P4HA3: variants seen among roughly 807,000 people sequenced by gnomAD.
P4HA3 encodes the protein prolyl 4-hydroxylase subunit alpha 3.
P4HA3 carries 60 observed loss-of-function variants against 66.7 expected under a neutral mutation model. The ratio of observed to expected loss-of-function variants is 0.90; its 90% CI spans 0.73 to 1.12. The LOEUF (loss-of-function observed/expected upper bound fraction) is 1.12. Ranked by LOEUF, P4HA3 falls within the 50% of genes most tolerant of loss-of-function variation. The probability of loss-of-function intolerance (pLI) is 0.00; values close to 1 mark genes in which losing one functional copy is unlikely to be tolerated. For synonymous variants in P4HA3, 263 were observed against 274.6 expected (o/e 0.96, Z 0.42); for missense variants, 683 against 685.8 (o/e 1.00, Z 0.05).
At chr11:74,302,014 T>C (rs1591134565) in intron 3 of P4HA3, among the ~76,000 whole-genome samples, 1 of 152,148 alleles carries the variant, frequency 6.6e-6, no homozygotes, top group South Asian at 2.1e-4. Context: ...ATAGTTAGGG[T>C]GAACAAAGGA....
At position 74,311,465 on chromosome 11, in the gene P4HA3, C is replaced by T. The variant is rs1434258116; in HGVS notation, c.147G>A (p.Gly49=). The part of the protein sequence containing the change: ...RALAPERRLL[G]LLRRYLRGEE... ...CCCCGCGCAGGTACCGCCTCAGCAGCCCCAGCAGCCGGCGCTCGGGCGCCA... is the reference window on the plus strand; with the variant it reads ...CCCCGCGCAGGTACCGCCTCAGCAGTCCCAGCAGCCGGCGCTCGGGCGCCA... Residue 49 remains glycine (G), a synonymous_variant, in exon 1 of 13, where the codon GGG becomes GGA. Transcript: ENST00000331597. 6.5e-7 allele frequency: 1 copy of T among 1,538,114 alleles called. No individual in the cohort carries two copies. The highest frequency in any genetic ancestry group is 1.4e-5 in the African/African-American group (1 of 72,052).
In P4HA3 at chr11:74,302,238, G is replaced by A. The variant is rs1311565644; in HGVS notation, c.567+131C>T. The A allele has an allele frequency of 3.3e-6, 3 of 902,866 alleles. No individual in the cohort carries two copies. In the East Asian group the frequency reaches 7.5e-5, roughly 23 times the overall value. 55.9% of individuals were successfully genotyped at this position (902,866 alleles called of 1,614,324 possible). On this transcript the variant is annotated intron_variant, in intron 3 of 12. Coordinates refer to ENST00000331597, the MANE Select transcript of P4HA3 (RefSeq NM_182904.5). Reference sequence around the variant, plus strand: ...TCTCTGAATCTTGTTTTCTTTCTCTGAAAATGGAAATGATATCAAATTTCC... The same window carrying A: ...TCTCTGAATCTTGTTTTCTTTCTCTAAAAATGGAAATGATATCAAATTTCC...
At chr11:74,265,991 G>T (rs191477684), downstream of P4HA3, among the ~76,000 whole-genome samples, 94 of 152,294 alleles carry the variant, frequency 6.2e-4, 2 homozygotes, top group Non-Finnish European at 3.2e-4. Context: ...AAGTGGCTGG[G>T]TGGTGGCATG....
At chr11:74,258,970 G>A (rs560647779) in intron 15 of P4HA3, among the ~76,000 whole-genome samples, 37 of 152,276 alleles carry the variant, frequency 2.4e-4, no homozygotes, top group Middle Eastern at 3.4e-3. Flanking sequence ...CCCACAGGGC[G>A]GGGAGACCAA....
At chr11:74,273,740 C>CTGGA (rs1860289107) in intron 9 of P4HA3, 133 bp from the exon 10 acceptor site, 1 of 593,794 alleles carries the variant, frequency 1.7e-6, no homozygotes, top group Non-Finnish European at 2.5e-6. Context: ...TATACACCTA[C>CTGGA]TGGAGTATGT....
chr11:74,289,096 C>A lies in P4HA3; in HGVS notation c.752G>T (p.Arg251Leu). Reference sequence around the variant, plus strand: ...TTACGTACTGTAGAGAAGAAACTCCCGAGAGAGGCTGAGGGCACACGAAAC... The same window carrying A: ...TTACGTACTGTAGAGAAGAAACTCCAGAGAGAGGCTGAGGGCACACGAAAC... ...GNVSCALSLS[R>L]EFLLYSPDNK... is the part of the protein sequence containing the mutation. The change falls in exon 5 of 13, where the codon CGG (arginine) becomes CTG (leucine). Residue 251 changes from arginine (R) to leucine (L), a missense_variant. Transcript: ENST00000331597. The A allele has an allele frequency of 6.3e-7, 1 of 1,580,228 alleles. No homozygotes were observed. The highest frequency in any genetic ancestry group is 1.2e-5 in the South Asian group (1 of 84,760).
At chr11:74,252,187 T>C (rs4522190) in intron 15 of P4HA3, among the ~76,000 whole-genome samples, 111,410 of 143,854 alleles carry the variant, frequency 0.77, 43,536 homozygotes, top group African/African-American at 0.87. Context: ...AGTGCCTCAG[T>C]CTCCCGAGTA....
chr11:74,252,078 A>C (rs1456238437), intron 15 of P4HA3, among the ~76,000 whole-genome samples: 3 of 150,282 alleles, frequency 2.0e-5, no homozygotes, highest in Non-Finnish European at 4.4e-5. Context: ...CTGCCAAGGA[A>C]AGCTGGGCAG....
At position 74,311,543 on chromosome 11, in the gene P4HA3, C is replaced by A. The variant is rs1193886442; in HGVS notation, c.69G>T (p.Arg23Ser). The A allele has an allele frequency of 1.3e-6, 2 of 1,549,630 alleles. No individual in the cohort carries two copies. Among genetic ancestry groups the A allele is most frequent in the Non-Finnish European group, 1.7e-6 (2 of 1,157,662 alleles). The stretch of plus-strand genomic sequence containing the variant: ...AGAACGTGTCGCCCCGAGCCGCAGC[C>A]CTTTCTGGGTCTCCTGTCCCGAGCG... ...VLALGTGDPERAAARGDTFSA... is the reference protein window; with the variant it reads ...VLALGTGDPESAAARGDTFSA... The change falls in exon 1 of 13, where the codon AGG (arginine) becomes AGT (serine). Residue 23 changes from arginine to serine, a missense_variant. By Grantham distance (110) the Arg-to-Ser change is moderately radical (BLOSUM62 -1). Coordinates refer to ENST00000331597, the MANE Select transcript of P4HA3 (RefSeq NM_182904.5).
At chr11:74,309,319 T>G (rs1861658243) in intron 1 of P4HA3, among the ~76,000 whole-genome samples, 1 of 152,140 alleles carries the variant, frequency 6.6e-6, no homozygotes. Context: ...ATGGTTTGTA[T>G]GAGACCTCCT....
intron 9 of P4HA3, among the ~76,000 whole-genome samples, chr11:74,275,545 C>T (rs1860365209): frequency 6.6e-6 from 1 of 152,194 alleles, no homozygotes; most frequent in African/African-American, 2.4e-5. Context: ...TCTCTCCTTA[C>T]ACTGGTACCA....
At chr11:74,252,170 G>A (rs1001210962) in intron 15 of P4HA3, among the ~76,000 whole-genome samples, 1 of 143,368 alleles carries the variant, frequency 7.0e-6, no homozygotes, top group Admixed American at 7.1e-5. Flanking sequence ...CTGGGCTCAA[G>A]TGATCCAGTG....
chr11:74,268,039 A>C, intron 12 of P4HA3, 106 bp downstream of exon 12: 1 of 957,104 alleles, frequency 1.0e-6, no homozygotes, highest in African/African-American at 1.6e-5. Context: ...TGGCACTGTA[A>C]TGAAGCGTTT....
intron 2 of P4HA3, among the ~76,000 whole-genome samples, chr11:74,303,554 T>C (rs995679220): frequency 7.9e-5 from 12 of 151,038 alleles, no homozygotes; most frequent in African/African-American, 2.9e-4. Flanking sequence ...ATTACAGGCA[T>C]GAACCACTGT....
chr11:74,293,887 CTTCAT>C (rs1054617005), intron 4 of P4HA3, among the ~76,000 whole-genome samples: 1 of 152,138 alleles, frequency 6.6e-6, no homozygotes, highest in African/African-American at 2.4e-5. Flanking sequence ...ACATTTTTTC[CTTCAT>C]TTCAACTTTG....
At chr11:74,292,062 A>T (rs942197530) in intron 4 of P4HA3, among the ~76,000 whole-genome samples, 6 of 152,124 alleles carry the variant, frequency 3.9e-5, no homozygotes, top group Non-Finnish European at 5.9e-5. Flanking sequence ...TCGGCTGTGA[A>T]TCCATCTGGT....
At chr11:74,293,930 G>C (rs1861124051) in intron 4 of P4HA3, among the ~76,000 whole-genome samples, 1 of 152,114 alleles carries the variant, frequency 6.6e-6, no homozygotes, top group Non-Finnish European at 1.5e-5. Context: ...GTGTCTTGGA[G>C]TTGCTCTTCT....
At chr11:74,262,398 A>G (rs1456336074), downstream of P4HA3, among the ~76,000 whole-genome samples, 2 of 152,110 alleles carry the variant, frequency 1.3e-5, no homozygotes, top group Non-Finnish European at 2.9e-5. Context: ...TGGCAGAGAG[A>G]AAGAAGGGAA....
At chr11:74,289,970 T>G (rs370616841) in intron 4 of P4HA3, among the ~76,000 whole-genome samples, 20 of 152,174 alleles carry the variant, frequency 1.3e-4, no homozygotes, top group African/African-American at 4.6e-4. Flanking sequence ...GTAATGGGAT[T>G]GCTGGGTCAA....
Sources: gnomAD v4.1 joint callset for allele counts (sites outside exome capture counted in the v4.1 genomes callset) on GRCh38, gnomAD v4.1.1 for gene constraint, MANE v1.5 for transcripts, NCBI Gene and HGNC (gene_info 2026-07-23, HGNC 2026-07-21) for gene names.